Variants in CDH4 observed in about 807,000 individuals in gnomAD.
CDH4 encodes cadherin 4.
CDH4 carries 33 observed loss-of-function variants against 86.0 expected under a neutral mutation model. The observed-to-expected ratio is 0.38, with a 90% CI of 0.29 to 0.51. The LOEUF (loss-of-function observed/expected upper bound fraction) is 0.51, where lower values mean the gene tolerates loss of function less well. Ranked by LOEUF, CDH4 falls within the 20% of genes least tolerant of loss-of-function variation. The pLI is 0.86. For synonymous variants in CDH4, 555 were observed against 549.4 expected (o/e 1.01, Z -0.14); for missense variants, 1,114 against 1,307.4 (o/e 0.85, Z 2.28).
At chr20:61,399,225 C>T (rs6061718) in intron 2 of CDH4, among the ~76,000 whole-genome samples, 3,566 of 107,774 alleles carry the variant, frequency 0.033, 1,192 homozygotes, top group African/African-American at 0.14. Context: ...CTCCGCTTCC[C>T]GGGTTCACGC....
At position 61,928,444 on chromosome 20, in the gene CDH4, G is replaced by A. The variant is rs201151607; in HGVS notation, c.2005+21G>A. The A allele has an allele frequency of 2.9e-4, 467 of 1,605,672 alleles. 1 individual carries two copies. In the East Asian group the frequency reaches 3.8e-3, roughly 13 times the overall value. The stretch of plus-strand genomic sequence containing the variant: ...GAACGGTGAGCCCGCCTTAGGCCAC[G>A]GGGAGGGTCAGACTAGCCTGGGGTG... On this transcript the variant is annotated intron_variant, in intron 12 of 15. Coordinates refer to ENST00000614565, the MANE Select transcript of CDH4 (RefSeq NM_001794.5).
At chr20:61,546,941 G>A (rs1272073061) in intron 2 of CDH4, among the ~76,000 whole-genome samples, 2 of 152,090 alleles carry the variant, frequency 1.3e-5, no homozygotes, top group South Asian at 2.1e-4. Context: ...CCGTGCCCAC[G>A]CTCCAGGACA....
intron 2 of CDH4, among the ~76,000 whole-genome samples, chr20:61,405,813 T>TG (rs769316791): frequency 6.6e-6 from 1 of 151,986 alleles, no homozygotes; most frequent in Non-Finnish European, 1.5e-5. Flanking sequence ...CCCGAGTAGC[T>TG]GGGACTACAG....
chr20:61,423,531 T>C (rs1047376573), intron 2 of CDH4, among the ~76,000 whole-genome samples: 1 of 152,198 alleles, frequency 6.6e-6, no homozygotes, highest in Admixed American at 6.5e-5. Flanking sequence ...TCTGGTGTGG[T>C]TGAATATTGC....
intron 2 of CDH4, among the ~76,000 whole-genome samples, chr20:61,609,650 G>T (rs957352301): frequency 2.6e-5 from 4 of 152,190 alleles, no homozygotes; most frequent in African/African-American, 9.7e-5. Flanking sequence ...TGTCGGCTGA[G>T]CCTGAACCAG....
chr20:61,771,621 C>CAA (rs71331929), intron 3 of CDH4, among the ~76,000 whole-genome samples: 33,476 of 109,520 alleles, frequency 0.31, 4,823 homozygotes, highest in East Asian at 0.4. Flanking sequence ...GACTCCATCT[C>CAA]AAAAAAAAAA....
rs1391442537 is a variant in CDH4, at chr20:61,661,101, C to G, written c.170-82462C>G. 1.8e-5 allele frequency among the ~76,000 whole-genome samples: 2 copies of G among 112,506 alleles called. 1 individual carries two copies. The highest frequency in any genetic ancestry group is 0.012 in the Middle Eastern group (2 of 166). 73.8% of individuals were successfully genotyped at this position (112,506 alleles called of 152,430 possible). A position where few individuals can be genotyped will look rare whatever the true frequency, so the allele number is the denominator to read the frequency against. Reference sequence around the variant, plus strand: ...AGGCATGGCGGGGGGGGGGGAGACACAGTGCCAGGCTCATGCCAGGTGGGT... The same window carrying G: ...AGGCATGGCGGGGGGGGGGGAGACAGAGTGCCAGGCTCATGCCAGGTGGGT... On this transcript the variant is annotated intron_variant, in intron 2 of 15. Coordinates refer to ENST00000614565, the MANE Select transcript of CDH4 (RefSeq NM_001794.5).
intron 2 of CDH4, among the ~76,000 whole-genome samples, chr20:61,374,400 T>C (rs1176934115): frequency 4.6e-5 from 7 of 152,078 alleles, no homozygotes; most frequent in African/African-American, 1.7e-4. Context: ...CCCTGGGAGT[T>C]ACCTGGGAGT....
In CDH4 at chr20:61,623,933, C is replaced by T. The variant is rs952644201; in HGVS notation, c.170-119630C>T. On this transcript the variant is annotated intron_variant, in intron 2 of 15. Transcript: ENST00000614565. The surrounding 1 kb of genome is among the most constrained non-coding windows in gnomAD (Gnocchi z 4.4). ...AGGAGGAAAGACACGGTTCCTAGAG[C>T]GAGGAACACCCCAGAATCTGAGCAG... Among the ~76,000 whole-genome samples, 21 of 150,774 alleles carry T rather than the reference C, an allele frequency of 1.4e-4. No individual in the cohort carries two copies. Among genetic ancestry groups the T allele is most frequent in the Admixed American group, 7.9e-4 (12 of 15,148 alleles).
At chr20:61,931,228 G>A (rs910331646) in intron 13 of CDH4, among the ~76,000 whole-genome samples, 15 of 152,336 alleles carry the variant, frequency 9.8e-5, no homozygotes, top group Admixed American at 2.0e-4. Context: ...TGTGGCTTCC[G>A]TCGAGCCAAG....
chr20:61,535,545 A>T (rs1210685710), intron 2 of CDH4, among the ~76,000 whole-genome samples: 1 of 152,250 alleles, frequency 6.6e-6, no homozygotes, highest in East Asian at 1.9e-4. Context: ...TTTAGAAATA[A>T]ATTACATATG....
intron 2 of CDH4, among the ~76,000 whole-genome samples, chr20:61,444,957 ATATG>A (rs2085340099): frequency 6.7e-6 from 1 of 148,820 alleles, no homozygotes; most frequent in South Asian, 2.2e-4. Flanking sequence ...ATCTGTGTGT[ATATG>A]TGTGTGGGTT....
At chr20:61,842,210 G>A (rs1182797392) in intron 4 of CDH4, among the ~76,000 whole-genome samples, 1 of 152,222 alleles carries the variant, frequency 6.6e-6, no homozygotes, top group Non-Finnish European at 1.5e-5. Flanking sequence ...CTCTGTCTCT[G>A]AGGTAAGTGC....
intron 4 of CDH4, among the ~76,000 whole-genome samples, chr20:61,812,642 A>G (rs189158847): frequency 1.1e-3 from 167 of 152,318 alleles, no homozygotes; most frequent in African/African-American, 3.9e-3. Context: ...TTAGTCACTG[A>G]CCAACAGATA....
chr20:61,823,897 G>A (rs1281181007), intron 4 of CDH4, among the ~76,000 whole-genome samples: 1 of 152,234 alleles, frequency 6.6e-6, no homozygotes, highest in Non-Finnish European at 1.5e-5. Context: ...GTAAAACCAT[G>A]TAGTGGGGCG....
intron 11 of CDH4, 53 bp downstream of exon 11, chr20:61,924,529 G>C (rs2055023896): frequency 6.3e-7 from 1 of 1,579,684 alleles, no homozygotes; most frequent in Non-Finnish European, 8.6e-7. Flanking sequence ...CGTGTCCTGG[G>C]TTCTGTGGGC....
rs1355453498 is a variant in CDH4, at chr20:61,517,477, G to A, written c.170-226086G>A. ...CCCAAAGTGCTGGGATTGCAGGTAT[G>A]AGCCACCATGCCTGGCCTATAGACT... On this transcript the variant is annotated intron_variant, in intron 2 of 15. Coordinates refer to ENST00000614565, the MANE Select transcript of CDH4 (RefSeq NM_001794.5). This position sits in a 1 kb window ranked among gnomAD's most constrained non-coding sequence, Gnocchi z 6.6. 2.6e-5 allele frequency among the ~76,000 whole-genome samples: 4 copies of A among 152,224 alleles called. No homozygotes were observed. Among genetic ancestry groups the A allele is most frequent in the African/African-American group, 7.2e-5 (3 of 41,460 alleles).
intron 2 of CDH4, among the ~76,000 whole-genome samples, chr20:61,256,303 C>T (rs1399312745): frequency 6.6e-6 from 1 of 152,178 alleles, no homozygotes; most frequent in African/African-American, 2.4e-5. Flanking sequence ...TCCTTAAGTT[C>T]TCTGATTATG....
intron 2 of CDH4, among the ~76,000 whole-genome samples, chr20:61,259,923 C>T (rs2084119795): frequency 6.6e-6 from 1 of 152,192 alleles, no homozygotes; most frequent in Non-Finnish European, 1.5e-5. Flanking sequence ...CTACCTGGAA[C>T]TCAGATGTGA....
Sources: gnomAD v4.1 joint callset for allele counts (sites outside exome capture counted in the v4.1 genomes callset) on GRCh38, gnomAD v4.1.1 for gene constraint, Gnocchi (gnomAD v3.1) non-coding constraint, MANE v1.5 for transcripts, NCBI Gene and HGNC (gene_info 2026-07-23, HGNC 2026-07-21) for gene names.